GALNTL6: variants seen among roughly 807,000 people sequenced by gnomAD.
The protein encoded by GALNTL6 is polypeptide N-acetylgalactosaminyltransferase like 6.
In GALNTL6, 46 loss-of-function variants were observed where a neutral mutation model predicts 73.7. The ratio of observed to expected loss-of-function variants is 0.62; its 90% CI spans 0.49 to 0.80. The LOEUF (loss-of-function observed/expected upper bound fraction) is 0.80. Among genes scored for constraint, GALNTL6 ranks in the 30% least tolerant of loss-of-function variants. The pLI is 0.00. For synonymous variants in GALNTL6, 259 were observed against 263.7 expected (o/e 0.98, Z 0.17); for missense variants, 604 against 755.0 (o/e 0.80, Z 2.34).
intron 5 of GALNTL6, among the ~76,000 whole-genome samples, chr4:172,587,169 C>T (rs572788754): frequency 2.0e-5 from 3 of 152,254 alleles, no homozygotes; most frequent in African/African-American, 7.2e-5. Context: ...TTCACCTGTT[C>T]TGGTTAGAAA....
At chr4:171,880,848 C>T (rs1736426839) in intron 2 of GALNTL6, among the ~76,000 whole-genome samples, 1 of 152,170 alleles carries the variant, frequency 6.6e-6, no homozygotes, top group Non-Finnish European at 1.5e-5. Context: ...TTGAAAGTCA[C>T]TTTGTCAAAA....
At chr4:171,903,684 G>C (rs1225853448) in intron 2 of GALNTL6, among the ~76,000 whole-genome samples, 2 of 150,684 alleles carry the variant, frequency 1.3e-5, no homozygotes, top group Non-Finnish European at 2.9e-5. Flanking sequence ...CTCCACCTCT[G>C]GGGGCAGGGC....
At chr4:172,869,710 C>T (rs747408255) in intron 7 of GALNTL6, among the ~76,000 whole-genome samples, 9 of 152,188 alleles carry the variant, frequency 5.9e-5, no homozygotes, top group Non-Finnish European at 1.3e-4. Flanking sequence ...CAGCCTACAT[C>T]CTTTCACCAT....
chr4:172,552,815 G>A (rs1579182154), intron 5 of GALNTL6, among the ~76,000 whole-genome samples: 1 of 100,140 alleles, frequency 1.0e-5, no homozygotes, highest in East Asian at 3.0e-4. Flanking sequence ...GTTATATTAG[G>A]CTGGTGCAAA....
At chr4:171,829,343 C>A (rs1287918487) in intron 2 of GALNTL6, among the ~76,000 whole-genome samples, 3 of 152,240 alleles carry the variant, frequency 2.0e-5, no homozygotes, top group Admixed American at 6.6e-5. Context: ...AGCTGTTTAT[C>A]CAAGGTGCTT....
chr4:172,609,992 A>G (rs1738464404), intron 5 of GALNTL6, among the ~76,000 whole-genome samples: 1 of 152,042 alleles, frequency 6.6e-6, no homozygotes, highest in African/African-American at 2.4e-5. Flanking sequence ...AGAGGTATTC[A>G]TAATATTCTC....
chr4:172,861,109 C>T (rs1377779955), intron 7 of GALNTL6, among the ~76,000 whole-genome samples: 1 of 152,086 alleles, frequency 6.6e-6, no homozygotes, highest in East Asian at 1.9e-4. Flanking sequence ...AGACTATGTT[C>T]TTCATAATGA....
intron 2 of GALNTL6, among the ~76,000 whole-genome samples, chr4:172,156,564 T>TATAG (rs1734294329): frequency 9.0e-6 from 1 of 111,156 alleles, no homozygotes; most frequent in Non-Finnish European, 1.9e-5. Context: ...TATATATATA[T>TATAG]ATACATACTA....
chr4:172,736,715 A>C (rs1736488691), intron 5 of GALNTL6, among the ~76,000 whole-genome samples: 1 of 152,246 alleles, frequency 6.6e-6, no homozygotes, highest in South Asian at 2.1e-4. Context: ...AGGTGTAAGA[A>C]ATTATAAAAA....
At chr4:172,674,946 C>G (rs185039169) in intron 5 of GALNTL6, among the ~76,000 whole-genome samples, 27 of 152,220 alleles carry the variant, frequency 1.8e-4, no homozygotes, top group Non-Finnish European at 3.8e-4. Flanking sequence ...ATCTTCATTC[C>G]TATCTATATT....
At chr4:172,984,018 A>C (rs1477999494) in intron 10 of GALNTL6, among the ~76,000 whole-genome samples, 1 of 152,168 alleles carries the variant, frequency 6.6e-6, no homozygotes, top group African/African-American at 2.4e-5. Flanking sequence ...ATTCCAAAAA[A>C]TAAGTATCAA....
intron 2 of GALNTL6, among the ~76,000 whole-genome samples, chr4:171,909,391 T>G (rs1362663344): frequency 6.6e-6 from 1 of 152,144 alleles, no homozygotes; most frequent in Non-Finnish European, 1.5e-5. Flanking sequence ...TGATCAAATA[T>G]TCTATCATCT....
chr4:171,888,296 A>G lies in GALNTL6; in HGVS notation c.138+73578A>G, dbSNP rs1026699718. Among the ~76,000 whole-genome samples, 9 of 151,226 alleles carry G rather than the reference A, an allele frequency of 6.0e-5. No homozygotes were observed. The Admixed American group carries it at 6.0e-4, about 10-fold the overall frequency. On this transcript the variant is annotated intron_variant, in intron 2 of 12. Coordinates refer to ENST00000506823, the MANE Select transcript of GALNTL6 (RefSeq NM_001034845.3). ...GCACAAATATATTATGTTGGGGGAT[A>G]ATTTACTTACATAACTTTAAAGTTC...
intron 8 of GALNTL6, among the ~76,000 whole-genome samples, chr4:172,927,622 G>A (rs754306309): frequency 9.9e-5 from 15 of 152,112 alleles, no homozygotes; most frequent in Non-Finnish European, 1.5e-4. Context: ...CTGGAATCAC[G>A]TAGAGGCATC....
rs531144965 is a variant in GALNTL6 at position 173,003,714 on chromosome 4, C to T, written c.1372-5464C>T. ...CTAAAAAATGCTGTACACTGTCAAACTTCAATATCCGTATTCATTTCTGAT... is the reference window on the plus strand; with the variant it reads ...CTAAAAAATGCTGTACACTGTCAAATTTCAATATCCGTATTCATTTCTGAT... On this transcript the variant is annotated intron_variant, in intron 10 of 12. Coordinates refer to ENST00000506823, the MANE Select transcript of GALNTL6 (RefSeq NM_001034845.3). Among the ~76,000 whole-genome samples the T allele has an allele frequency of 3.9e-5, 6 of 152,270 alleles. No homozygotes were observed. In the South Asian group the frequency reaches 1.2e-3, roughly 32 times the overall value.
intron 5 of GALNTL6, chr4:172,668,430 G>A (rs1044119897): frequency 6.6e-6 from 1 of 152,136 alleles, no homozygotes; most frequent in Non-Finnish European, 1.5e-5. Flanking sequence ...TCATAACCGG[G>A]AGTCCTAGAA....
intron 5 of GALNTL6, among the ~76,000 whole-genome samples, chr4:172,728,479 T>C (rs1735956863): frequency 6.6e-6 from 1 of 151,938 alleles, no homozygotes; most frequent in African/African-American, 2.4e-5. Context: ...CTGAATTATA[T>C]TTCATTGTAT....
intron 3 of GALNTL6, among the ~76,000 whole-genome samples, chr4:172,249,894 C>G (rs945454744): frequency 2.4e-4 from 36 of 152,302 alleles, no homozygotes; most frequent in African/African-American, 8.4e-4. Flanking sequence ...TATGCTAGGG[C>G]TGTGCAGAAG....
chr4:172,569,593 C>T (rs1736686575), intron 5 of GALNTL6, among the ~76,000 whole-genome samples: 2 of 151,716 alleles, frequency 1.3e-5, no homozygotes. Context: ...TCGGCATCAA[C>T]AGCAGCCTTA....
Sources: allele counts gnomAD v4.1 joint callset (sites outside exome capture counted in the v4.1 genomes callset), GRCh38; gene constraint gnomAD v4.1.1; transcripts MANE v1.5; gene names NCBI Gene and HGNC (gene_info 2026-07-23, HGNC 2026-07-21).